NCKAP5: variants seen among roughly 807,000 people sequenced by gnomAD.
NCKAP5 encodes nck-associated protein 5.
A neutral mutation model predicts 167.0 loss-of-function variants in NCKAP5; 92 were observed. That is an observed-to-expected ratio of 0.55 (90% CI 0.47 to 0.66). NCKAP5 has a LOEUF of 0.66. NCKAP5 is among the 30% of genes least tolerant of loss of function. The pLI, the probability that NCKAP5 is intolerant of heterozygous loss-of-function variation, is 0.00. For missense variants in NCKAP5, 2,378 were observed against 2,315.0 expected (o/e 1.03, Z -0.56); for synonymous variants, 891 against 877.4 (o/e 1.02, Z -0.27).
intron 8 of NCKAP5, among the ~76,000 whole-genome samples, chr2:132,939,171 G>C (rs1167908169): frequency 6.6e-6 from 1 of 152,044 alleles, no homozygotes; most frequent in Non-Finnish European, 1.5e-5. Context: ...GTTAACTTTT[G>C]ATCTCAAGTC....
chr2:133,185,846 T>G (rs1380295822), intron 5 of NCKAP5, among the ~76,000 whole-genome samples: 2 of 152,084 alleles, frequency 1.3e-5, no homozygotes, highest in Non-Finnish European at 2.9e-5. Flanking sequence ...TTATCAGTTC[T>G]GGGAGCCTTT....
intron 3 of NCKAP5, among the ~76,000 whole-genome samples, chr2:133,444,271 G>A (rs995172582): frequency 4.6e-5 from 7 of 152,092 alleles, no homozygotes; most frequent in South Asian, 4.2e-4. Context: ...CTATCTCAGC[G>A]CTGTTTAAGC....
At chr2:133,340,295 A>C (rs1382777725) in intron 3 of NCKAP5, among the ~76,000 whole-genome samples, 2 of 152,174 alleles carry the variant, frequency 1.3e-5, no homozygotes, top group African/African-American at 4.8e-5. Flanking sequence ...TCATTTTAGT[A>C]ATGAAAAGCA....
chr2:133,308,322 T>G (rs970817097), intron 3 of NCKAP5, among the ~76,000 whole-genome samples: 4 of 151,892 alleles, frequency 2.6e-5, no homozygotes, highest in African/African-American at 9.7e-5. Flanking sequence ...TCTCCTGACC[T>G]TGTGATCCGC....
intron 3 of NCKAP5, among the ~76,000 whole-genome samples, chr2:133,369,233 TAGGCAGGTG>T (rs1411059471): frequency 6.6e-6 from 1 of 152,120 alleles, no homozygotes; most frequent in East Asian, 1.9e-4. Context: ...GTAGGGTGGA[TAGGCAGGTG>T]AGGATGATGT....
chr2:133,618,704 G>A, the NCKAP5 span, among the ~76,000 whole-genome samples: 1 of 151,766 alleles, frequency 6.6e-6, no homozygotes, highest in African/African-American at 2.4e-5. Flanking sequence ...TACACTGTTG[G>A]TGGGACTGTA....
chr2:133,187,670 A>T (rs778292933), intron 5 of NCKAP5, among the ~76,000 whole-genome samples: 16 of 152,236 alleles, frequency 1.1e-4, no homozygotes, highest in South Asian at 2.1e-4. Flanking sequence ...AGACTTAAAG[A>T]TGTCAATTTT....
At chr2:132,882,996 C>T (rs556273611) in intron 8 of NCKAP5, among the ~76,000 whole-genome samples, 12 of 151,896 alleles carry the variant, frequency 7.9e-5, no homozygotes, top group South Asian at 6.3e-4. Flanking sequence ...AGTTTGAGAC[C>T]GGCCTGGGCG....
At chr2:133,612,225 C>T in the NCKAP5 span, among the ~76,000 whole-genome samples, 34 of 152,108 alleles carry the variant, frequency 2.2e-4, no homozygotes, top group Admixed American at 7.2e-4. Context: ...GAGATGCTCC[C>T]AGCTTCATAA....
At chr2:133,590,051 G>A in the NCKAP5 span, among the ~76,000 whole-genome samples, 5 of 151,994 alleles carry the variant, frequency 3.3e-5, no homozygotes, top group East Asian at 7.7e-4. Flanking sequence ...TTCCTTTTTT[G>A]TTAACCGGGG....
chr2:133,147,455 G>A lies in NCKAP5; in HGVS notation c.208-17344C>T, dbSNP rs190569041. 8.6e-3 allele frequency among the ~76,000 whole-genome samples: 1,304 copies of A among 152,188 alleles called. 7 individuals carry two copies. The highest frequency in any genetic ancestry group is 0.013 in the Non-Finnish European group (876 of 67,992). ...CCAGTCTGGGAAGGGCATTCATATC[G>A]CTAATAATTGTTGAATGATATGAAT... On this transcript the variant is annotated intron_variant, in intron 5 of 19. Transcript: ENST00000409261.
At chr2:132,981,359 C>T (rs1340467489) in intron 7 of NCKAP5, among the ~76,000 whole-genome samples, 1 of 152,190 alleles carries the variant, frequency 6.6e-6, no homozygotes, top group Non-Finnish European at 1.5e-5. Flanking sequence ...AGGCCCTCAA[C>T]ATTGACTTAA....
At chr2:132,979,978 C>A (rs1469093900) in intron 7 of NCKAP5, among the ~76,000 whole-genome samples, 1 of 145,082 alleles carries the variant, frequency 6.9e-6, no homozygotes. Flanking sequence ...TTTTTTTTTT[C>A]TTTTTCTTTT....
intron 11 of NCKAP5, among the ~76,000 whole-genome samples, chr2:132,829,747 G>C (rs554500576): frequency 6.6e-6 from 1 of 152,156 alleles, no homozygotes; most frequent in South Asian, 2.1e-4. Flanking sequence ...GGGTGGGCCC[G>C]AGAACTTGCA....
intron 6 of NCKAP5, among the ~76,000 whole-genome samples, chr2:133,094,063 G>A (rs979125516): frequency 1.3e-5 from 2 of 152,220 alleles, no homozygotes; most frequent in African/African-American, 4.8e-5. Flanking sequence ...GTTGACTGAA[G>A]GACACACAGG....
chr2:133,499,801 G>A (rs988908893), intron 3 of NCKAP5, among the ~76,000 whole-genome samples: 6 of 152,038 alleles, frequency 3.9e-5, no homozygotes, highest in Non-Finnish European at 8.8e-5. Flanking sequence ...CTCATGATCC[G>A]CCCACCTCGG....
intron 19 of NCKAP5, among the ~76,000 whole-genome samples, chr2:132,690,779 G>T (rs572657493): frequency 6.6e-6 from 1 of 152,094 alleles, no homozygotes; most frequent in African/African-American, 2.4e-5. Context: ...GTAAGAGGAG[G>T]GGGGGAAACA....
rs537027598 is a variant in NCKAP5 at position 133,015,437 on chromosome 2, T to C, written c.342-21198A>G. Among the ~76,000 whole-genome samples, 6 of 152,244 alleles carry C rather than the reference T, an allele frequency of 3.9e-5. No individual in the cohort carries two copies. In the East Asian group the frequency reaches 1.2e-3, roughly 29 times the overall value. On this transcript the variant is annotated intron_variant, in intron 6 of 19. Coordinates refer to ENST00000409261, the MANE Select transcript of NCKAP5 (RefSeq NM_207363.3). Reference sequence around the variant, plus strand: ...TAGGAGGAAGGATGAAGAATAAATATAACTCATGGAAGAGCTCAAATCCCA... The same window carrying C: ...TAGGAGGAAGGATGAAGAATAAATACAACTCATGGAAGAGCTCAAATCCCA...
chr2:132,753,692 G>A (rs1475374382), intron 16 of NCKAP5, among the ~76,000 whole-genome samples: 1 of 152,172 alleles, frequency 6.6e-6, no homozygotes, highest in African/African-American at 2.4e-5. Context: ...GGGTTTTGAG[G>A]GAATGTTTTT....
Sources: gnomAD v4.1 joint callset for allele counts (sites outside exome capture counted in the v4.1 genomes callset) on GRCh38, gnomAD v4.1.1 for gene constraint, MANE v1.5 for transcripts, NCBI Gene and HGNC (gene_info 2026-07-23, HGNC 2026-07-21) for gene names.